CHD6: variants seen among roughly 807,000 people sequenced by gnomAD.
The protein encoded by CHD6 is chromodomain helicase DNA binding protein 6, also known as ATP-dependent chromatin remodeler CHD6.
A neutral mutation model predicts 276.9 loss-of-function variants in CHD6; 50 were observed. The observed-to-expected ratio is 0.18, with a 90% confidence interval of 0.14 to 0.23. The LOEUF (loss-of-function observed/expected upper bound fraction) is 0.23, where lower values mean the gene tolerates loss of function less well. Among genes scored for constraint, CHD6 ranks in the 10% least tolerant of loss-of-function variants. The pLI is 1.00. For synonymous variants in CHD6, 1,173 were observed against 1,229.3 expected, an observed-to-expected ratio of 0.95 and a Z score of 0.96; for missense variants, 2,564 against 3,365.8, an observed-to-expected ratio of 0.76 and a Z score of 5.89.
At position 41,494,766 on chromosome 20, in the gene CHD6, T is replaced by A. The variant is rs12626152; in HGVS notation, c.1093-822A>T. Among the ~76,000 whole-genome samples the A allele has an allele frequency of 3.3e-5, 5 of 152,336 alleles. No individual in the cohort carries two copies. The East Asian group carries it at 9.6e-4, about 29-fold the overall frequency. On this transcript the variant is annotated intron_variant, in intron 8 of 36. Transcript: ENST00000373233. ...GGGGCTAATTTCATCGTCTAATCAATGCAGGATACTTTTTACAACATCCCT... is the reference window on the plus strand; with the variant it reads ...GGGGCTAATTTCATCGTCTAATCAAAGCAGGATACTTTTTACAACATCCCT...
intron 10 of CHD6, among the ~76,000 whole-genome samples, chr20:41,492,794 G>A (rs1325357800): frequency 1.3e-5 from 2 of 152,210 alleles, no homozygotes; most frequent in African/African-American, 2.4e-5. Context: ...GGTGGCACAC[G>A]CTTGTATTCC....
In CHD6 at chr20:41,588,921, G is replaced by T. The variant is rs192847468; in HGVS notation, c.-24+29419C>A. On this transcript the variant is annotated intron_variant, in intron 1 of 36. Coordinates refer to ENST00000373233, the MANE Select transcript of CHD6 (RefSeq NM_032221.5). ...GGAAAAGAGACACAACAAAAAAAGA[G>T]AATTTTAGACCAATATCCCTGATGA... 4.5e-4 allele frequency among the ~76,000 whole-genome samples: 68 copies of T among 152,220 alleles called. 1 individual carries two copies. Among genetic ancestry groups the T allele is most frequent in the African/African-American group, 1.5e-3 (63 of 41,542 alleles).
chr20:41,516,168 ATT>A (rs75917656), intron 3 of CHD6, among the ~76,000 whole-genome samples: 52,200 of 148,240 alleles, frequency 0.35, 10,618 homozygotes, highest in African/African-American at 0.55. Context: ...GCAGATGGTA[ATT>A]TTTTTTTTTT....
intron 27 of CHD6, among the ~76,000 whole-genome samples, chr20:41,433,487 C>T (rs79067054): frequency 0.022 from 3,363 of 152,158 alleles, 45 homozygotes; most frequent in South Asian, 0.04. Context: ...ACTATCAACC[C>T]AGAATCCTCC....
At chr20:41,498,327 A>G (rs1372996364) in intron 6 of CHD6, 101 bp from the exon 7 acceptor site, 12 of 836,588 alleles carry the variant, frequency 1.4e-5, no homozygotes, top group African/African-American at 3.5e-5. Context: ...TGATTTCCAT[A>G]AAGATTTCTT....
chr20:41,475,084 T>A (rs1249624028), intron 16 of CHD6, among the ~76,000 whole-genome samples: 1 of 152,210 alleles, frequency 6.6e-6, no homozygotes, highest in African/African-American at 2.4e-5. Flanking sequence ...AAGGATTAGA[T>A]GTCTGAATTC....
At chr20:41,476,823 T>TA (rs1002553108) in intron 16 of CHD6, among the ~76,000 whole-genome samples, 113 of 151,728 alleles carry the variant, frequency 7.4e-4, no homozygotes, top group Admixed American at 4.8e-3. Flanking sequence ...AAAAAAAAGC[T>TA]AAAAAAATCC....
intron 5 of CHD6, among the ~76,000 whole-genome samples, chr20:41,510,420 C>T (rs906307338): frequency 7.2e-5 from 11 of 152,216 alleles, no homozygotes; most frequent in African/African-American, 2.7e-4. Context: ...GTGTAGCCTG[C>T]CCTGCATGCT....
chr20:41,467,210 A>G (rs1051618727), intron 17 of CHD6, among the ~76,000 whole-genome samples: 3 of 152,206 alleles, frequency 2.0e-5, no homozygotes, highest in Non-Finnish European at 2.9e-5. Context: ...GGACAACAGG[A>G]TAAGTCCCAT....
chr20:41,538,768 T>G (rs1304759001), intron 2 of CHD6, among the ~76,000 whole-genome samples: 1 of 152,186 alleles, frequency 6.6e-6, no homozygotes. Context: ...AGTGAATTCT[T>G]ATAATTTTAT....
At chr20:41,573,932 T>C (rs2075855804) in intron 1 of CHD6, among the ~76,000 whole-genome samples, 1 of 152,158 alleles carries the variant, frequency 6.6e-6, no homozygotes, top group Admixed American at 6.5e-5. Context: ...CTCCCAGCTC[T>C]GGGCCTTTAG....
Position 41,456,175 on chromosome 20 carries a change from G to A in CHD6, c.2830-196C>T, listed in dbSNP as rs574295775. ...GAGGGCAGGCAGACAGTCCTCTATA[G>A]GCAGCTCTGAAATAAAGCTCAGCAC... On this transcript the variant is annotated intron_variant, in intron 18 of 36. Coordinates refer to ENST00000373233, the MANE Select transcript of CHD6 (RefSeq NM_032221.5). 2.6e-5 allele frequency among the ~76,000 whole-genome samples: 4 copies of A among 152,156 alleles called. No individual in the cohort carries two copies. The South Asian group carries it at 8.3e-4, about 32-fold the overall frequency.
chr20:41,494,662 C>A (rs1470521221), intron 8 of CHD6, among the ~76,000 whole-genome samples: 1 of 152,178 alleles, frequency 6.6e-6, no homozygotes, highest in Non-Finnish European at 1.5e-5. Context: ...TCACCCAGGT[C>A]TTTCTTACCC....
intron 3 of CHD6, among the ~76,000 whole-genome samples, chr20:41,521,405 T>C (rs1405221980): frequency 6.6e-6 from 1 of 152,146 alleles, no homozygotes; most frequent in African/African-American, 2.4e-5. Flanking sequence ...CGTATTGATG[T>C]TGGGAACTGG....
intron 27 of CHD6, among the ~76,000 whole-genome samples, chr20:41,431,510 C>G (rs1279512336): frequency 6.6e-6 from 1 of 152,144 alleles, no homozygotes; most frequent in Non-Finnish European, 1.5e-5. Flanking sequence ...AACATTCTCT[C>G]TATTACTCAA....
At position 41,423,714 on chromosome 20, in the gene CHD6, C is replaced by G; in HGVS notation, c.4347-14G>C. 6.2e-7 allele frequency: 1 copy of G among 1,607,582 alleles called. No homozygotes were observed. Among genetic ancestry groups the G allele is most frequent in the Non-Finnish European group, 8.5e-7 (1 of 1,174,516 alleles). On this transcript the variant is annotated splice_polypyrimidine_tract_variant and intron_variant, in intron 29 of 36. Coordinates refer to ENST00000373233, the MANE Select transcript of CHD6 (RefSeq NM_032221.5). Reference sequence around the variant, plus strand: ...CTCCTAGTCCACCTTGAGATTTAATCAGAAAGGAAGAGTGAGCTCTTTCTT... The same window carrying G: ...CTCCTAGTCCACCTTGAGATTTAATGAGAAAGGAAGAGTGAGCTCTTTCTT...
chr20:41,583,589 A>G (rs1411722019), intron 1 of CHD6, among the ~76,000 whole-genome samples: 2 of 152,212 alleles, frequency 1.3e-5, no homozygotes, highest in Non-Finnish European at 2.9e-5. Context: ...GAAGAAGTGG[A>G]TACCTCCAGA....
chr20:41,608,695 T>C (rs2045854538), intron 1 of CHD6, among the ~76,000 whole-genome samples: 1 of 152,202 alleles, frequency 6.6e-6, no homozygotes, highest in African/African-American at 2.4e-5. Flanking sequence ...TGGATAGATG[T>C]CTTCAGAAGT....
intron 24 of CHD6, among the ~76,000 whole-genome samples, chr20:41,446,251 G>T (rs1423582250): frequency 2.0e-5 from 3 of 152,142 alleles, no homozygotes; most frequent in Non-Finnish European, 4.4e-5. Context: ...TTAAGACCAA[G>T]AGTCCACACT....
Sources: gnomAD v4.1 joint callset for allele counts (sites outside exome capture counted in the v4.1 genomes callset) on GRCh38, gnomAD v4.1.1 for gene constraint, MANE v1.5 for transcripts, NCBI Gene and HGNC (gene_info 2026-07-23, HGNC 2026-07-21) for gene names.